The following DDX51 variants were observed in gnomAD, a reference collection of about 807,000 sequenced individuals.
DDX51 encodes the protein DEAD-box helicase 51.
Under a neutral mutation model 74.6 loss-of-function variants are expected in DDX51, and 67 were observed. The observed-to-expected ratio is 0.90, with a 90% CI of 0.74 to 1.10. DDX51 has a LOEUF of 1.10. DDX51 is among the 50% of genes least tolerant of loss of function. DDX51 has a pLI of 0.00. For missense variants in DDX51, 1,056 were observed against 905.2 expected (o/e 1.17, Z -2.14); for synonymous variants, 545 against 402.9 (o/e 1.35, Z -4.22).
Position 132,144,130 on chromosome 12 carries a change from G to A in DDX51, c.167C>T (p.Ala56Val), listed in dbSNP as rs1158256078. The A allele has an allele frequency of 2.5e-6, 3 of 1,198,068 alleles. No individual in the cohort carries two copies. Among genetic ancestry groups the A allele is most frequent in the Non-Finnish European group, 3.1e-6 (3 of 967,484 alleles). The allele number at this position is 1,198,068 out of a possible 1,614,324, so 74.2% of individuals were successfully genotyped here. The change falls in exon 1 of 15, where the codon GCG becomes GTG. Residue 56 changes from alanine (A) to valine (V), a missense_variant. Physicochemically the swap from Ala to Val is moderately conservative, Grantham distance 64 (BLOSUM62 0). Transcript: ENST00000397333. ...QQQREPAQTE[A>V]AASTEPATRR... ...GGTCGCCGGCTCGGTCGATGCAGCC[G>A]CCTCGGTCTGCGCGGGCTCCCGCTG... is the stretch of plus-strand genomic sequence containing the variant.
Position 132,143,872 on chromosome 12 carries a change from C to T in DDX51, c.342G>A (p.Gly114=), listed in dbSNP as rs1565956357. 1 of 1,510,168 alleles carries T rather than the reference C, an allele frequency of 6.6e-7. No individual in the cohort carries two copies. The allele number at this position is 1,510,168 out of a possible 1,614,324, so 93.5% of individuals were successfully genotyped here. ...GCTCCCCTGGCGCCTCCTCGCTGCT[C>T]CCTGCGCTGGGCTCCCCTGGCGCCT... ...NEEAPGEPSA[G]SSEEAPGEPS... is the part of the protein sequence containing the mutation. Residue 114 remains glycine, a synonymous_variant, in exon 2 of 15, where the codon GGG becomes GGA. Transcript: ENST00000397333.
In DDX51 at chr12:132,137,286, C is replaced by CA; in HGVS notation, c.*1985dup. ...TGAAGTTTGGTGATCACCCAGGAGA[C>CA]ACCCCCCGCACTCCTGTGCCCGAGC... On this transcript the variant is annotated 3_prime_UTR_variant, in exon 15 of 15. Coordinates refer to ENST00000397333, the MANE Select transcript of DDX51 (RefSeq NM_175066.4). 6.6e-6 allele frequency: 1 copy of CA among 152,332 alleles called. No individual in the cohort carries two copies. The highest frequency in any genetic ancestry group is 2.1e-4 in the South Asian group (1 of 4,828). The allele number at this position is 152,332 out of a possible 1,614,324, so 9.4% of individuals were successfully genotyped here. A position where few individuals can be genotyped will look rare whatever the true frequency, so the allele number is the denominator to read the frequency against.
Position 132,141,293 on chromosome 12 carries a change from T to TG in DDX51, c.1231dup (p.Gln411ProfsTer29). 2.5e-6 allele frequency: 4 copies of TG among 1,596,126 alleles called. No homozygotes were observed. Among genetic ancestry groups the TG allele is most frequent in the Non-Finnish European group, 3.4e-6 (4 of 1,177,878 alleles). ...TGGATACCTGGCGGCTGTCACAGCC[T>TG]GGGCCTGCCTTCGCTGGAGCAGGGC... is the stretch of plus-strand genomic sequence containing the variant. On this transcript the variant is annotated frameshift_variant, in exon 8 of 15. Coordinates refer to ENST00000397333, the MANE Select transcript of DDX51 (RefSeq NM_175066.4). LOFTEE classifies it high-confidence loss of function.
rs1897514361 is a variant in DDX51, at chr12:132,142,709, C to T, written c.670+19G>A. The T allele has an allele frequency of 6.2e-7, 1 of 1,611,478 alleles. No individual in the cohort carries two copies. The highest frequency in any genetic ancestry group is 8.5e-7 in the Non-Finnish European group (1 of 1,179,670). On this transcript the variant is annotated intron_variant, in intron 3 of 14. Transcript: ENST00000397333. ...CCCAGGGAGGTGTTCCCTCAGCTGCCTGCCCGGGGCTGGGGCACCTGGAAA... is the reference window on the plus strand; with the variant it reads ...CCCAGGGAGGTGTTCCCTCAGCTGCTTGCCCGGGGCTGGGGCACCTGGAAA...
rs762052824 is a variant in DDX51, at chr12:132,141,368, G to A, written c.1157C>T (p.Pro386Leu). 1.1e-5 allele frequency: 18 copies of A among 1,598,366 alleles called. No homozygotes were observed. Among genetic ancestry groups the A allele is most frequent in the African/African-American group, 6.7e-5 (5 of 74,908 alleles). ...CTGGAAGGCGGCCGCCACCACCCGC[G>A]GCAGCCAGGACTGATGCATGCTGTC... is the stretch of plus-strand genomic sequence containing the variant. Reference protein sequence around the residue: ...MIDSMHQSWLPRVVAAAFQSE... With the variant: ...MIDSMHQSWLLRVVAAAFQSE... Residue 386 changes from proline to leucine, a missense_variant, in exon 8 of 15, where the codon CCG becomes CTG. By Grantham distance (98) the Pro-to-Leu change is moderately conservative. Transcript: ENST00000397333.
Position 132,143,755 on chromosome 12 carries a change from C to T in DDX51, c.459G>A (p.Ala153=). The T allele has an allele frequency of 2.6e-6, 4 of 1,525,624 alleles. No homozygotes were observed. Among genetic ancestry groups the T allele is most frequent in the Non-Finnish European group, 1.8e-6 (2 of 1,139,662 alleles). 94.5% of individuals were successfully genotyped at this position (1,525,624 alleles called of 1,614,324 possible). A position where few individuals can be genotyped will look rare whatever the true frequency, so the allele number is the denominator to read the frequency against. The change falls in exon 2 of 15, where the codon GCG becomes GCA. Residue 153 remains alanine (A), a synonymous_variant. Transcript: ENST00000397333. The part of the protein sequence containing the change: ...AAPDGPALEE[A]AGPLVPGLVL... ...CCAGGCCGGGGACCAGGGGTCCGGC[C>T]GCCTCCTCCAGGGCCGGTCCATCTG...
rs748318175 is a variant in DDX51, at chr12:132,140,852, A to G, written c.1419T>C (p.Tyr473=). 3 of 1,613,554 alleles carry G rather than the reference A, an allele frequency of 1.9e-6. No individual in the cohort carries two copies. The highest frequency in any genetic ancestry group is 2.2e-5 in the South Asian group (2 of 91,080). Residue 473 remains tyrosine (Y), a synonymous_variant, in exon 9 of 15, where the codon TAT becomes TAC. Coordinates refer to ENST00000397333, the MANE Select transcript of DDX51 (RefSeq NM_175066.4). ...DTDGDGDSGK[Y]AFPVGLTHHY... is the part of the protein sequence containing the mutation. ...TCACCGTGAGCCCAACAGGAAAGGCATACTTCCCCGAATCCCCGTCCCCAT... is the reference window on the plus strand; with the variant it reads ...TCACCGTGAGCCCAACAGGAAAGGCGTACTTCCCCGAATCCCCGTCCCCAT...
Position 132,142,773 on chromosome 12 carries a change from G to C in DDX51, c.625C>G (p.Leu209Val), listed in dbSNP as rs1057004575. The C allele has an allele frequency of 1.1e-5, 18 of 1,612,978 alleles. No individual in the cohort carries two copies. Among genetic ancestry groups the C allele is most frequent in the Non-Finnish European group, 1.4e-5 (17 of 1,180,026 alleles). Reference protein sequence around the residue: ...IEDIPDVHPDLQKQLRAHGIS... With the variant: ...IEDIPDVHPDVQKQLRAHGIS... ...CCGTGTGCCCGCAGCTGCTTCTGCA[G>C]GTCAGGATGGACGTCAGGGATGTCC... Residue 209 changes from leucine to valine, a missense_variant, in exon 3 of 15, where the codon CTG (leucine) becomes GTG (valine). Transcript: ENST00000397333.
rs751025606 is a variant in DDX51 at position 132,141,485 on chromosome 12, G to A, written c.1104+13C>T. ...CTGAGCTCAAAGCCCAGGCCCCTGG[G>A]GCGGGGACCTACCAGGAAGCGGAGC... On this transcript the variant is annotated intron_variant, in intron 7 of 14. Coordinates refer to ENST00000397333, the MANE Select transcript of DDX51 (RefSeq NM_175066.4). The A allele has an allele frequency of 6.3e-7, 1 of 1,585,328 alleles. No individual in the cohort carries two copies. The highest frequency in any genetic ancestry group is 8.6e-7 in the Non-Finnish European group (1 of 1,168,920).
rs1329338959 is a variant in DDX51 at position 132,143,592 on chromosome 12, G to A, written c.519+103C>T. On this transcript the variant is annotated intron_variant, in intron 2 of 14. Transcript: ENST00000397333. The stretch of plus-strand genomic sequence containing the variant: ...TGGCAGCGAGGCGCGGCTGTGACCC[G>A]GGAACATTCGCTGAACGAAATCTTC... 7 of 1,432,410 alleles carry A rather than the reference G, an allele frequency of 4.9e-6. No individual in the cohort carries two copies. In the African/African-American group the frequency reaches 8.7e-5, roughly 18 times the overall value. 88.7% of individuals were successfully genotyped at this position (1,432,410 alleles called of 1,614,324 possible). A position where few individuals can be genotyped will look rare whatever the true frequency, so the allele number is the denominator to read the frequency against.
chr12:132,141,591 G>T lies in DDX51; in HGVS notation c.1011C>A (p.Arg337=). 1 of 1,598,724 alleles carries T rather than the reference G, an allele frequency of 6.3e-7. No individual in the cohort carries two copies. Among genetic ancestry groups the T allele is most frequent in the Non-Finnish European group, 8.5e-7 (1 of 1,174,026 alleles). ...SLVQKTADGY[R]CLADIVVATP... ...TGGCTACCACGATGTCAGCCAAGCA[G>T]CGGTACCCATCAGCTCTACAGACCA... Residue 337 remains arginine (R), a synonymous_variant, in exon 7 of 15, where the codon CGC becomes CGA. Transcript: ENST00000397333.
Position 132,139,222 on chromosome 12 carries a change from G to A in DDX51, c.*50C>T, listed in dbSNP as rs1355186538. On this transcript the variant is annotated 3_prime_UTR_variant, in exon 15 of 15. Coordinates refer to ENST00000397333, the MANE Select transcript of DDX51 (RefSeq NM_175066.4). ...CCAGTGATCAGCACTGCTCTGGAAGGAGGGTCAGGGTGGTGAGCGTTCAGT... is the reference window on the plus strand; with the variant it reads ...CCAGTGATCAGCACTGCTCTGGAAGAAGGGTCAGGGTGGTGAGCGTTCAGT... The A allele has an allele frequency of 2.1e-5, 33 of 1,595,642 alleles. No homozygotes were observed. The highest frequency in any genetic ancestry group is 2.7e-5 in the African/African-American group (2 of 74,772).
intron 12 of DDX51, 54 bp downstream of exon 12, chr12:132,140,043 GC>G (rs2136674303): frequency 1.9e-6 from 3 of 1,605,214 alleles, no homozygotes; most frequent in Non-Finnish European, 2.6e-6. Context: ...CCACATCAAC[GC>G]CCAGGAGCTC....
rs1225300723 is a variant in DDX51, at chr12:132,139,500, TC to T, written c.1974+134del. ...GGCTCCCCGCCCTTGGGCCAGAAGC[TC>T]GAGGACAACCTGTGTGACCCTCTGT... On this transcript the variant is annotated intron_variant, in intron 14 of 14. Coordinates refer to ENST00000397333, the MANE Select transcript of DDX51 (RefSeq NM_175066.4). 1.9e-6 allele frequency: 3 copies of T among 1,576,788 alleles called. No homozygotes were observed. In the East Asian group the frequency reaches 6.7e-5, roughly 35 times the overall value.
In DDX51 at chr12:132,138,008, T is replaced by A. The variant is rs1034848612; in HGVS notation, c.*1264A>T. 7 of 152,252 alleles carry A rather than the reference T, an allele frequency of 4.6e-5. No individual in the cohort carries two copies. Among genetic ancestry groups the A allele is most frequent in the African/African-American group, 1.7e-4 (7 of 41,432 alleles). The allele number at this position is 152,252 out of a possible 1,614,324, so 9.4% of individuals were successfully genotyped here. A position where few individuals can be genotyped will look rare whatever the true frequency, so the allele number is the denominator to read the frequency against. ...TTCATCCACGGGGTGCCTATGCTGG[T>A]GCCTCACTCCTTTTTCTCTCCTGGT... On this transcript the variant is annotated 3_prime_UTR_variant, in exon 15 of 15. Transcript: ENST00000397333.
In DDX51 at chr12:132,141,531, G is replaced by A. The variant is rs371118319; in HGVS notation, c.1071C>T (p.Thr357=). 1.2e-6 allele frequency: 2 copies of A among 1,603,046 alleles called. No individual in the cohort carries two copies. Among genetic ancestry groups the A allele is most frequent in the Admixed American group, 1.7e-5 (1 of 59,552 alleles). The change falls in exon 7 of 15, where the codon ACC becomes ACT. Residue 357 remains threonine (T), a synonymous_variant. Coordinates refer to ENST00000397333, the MANE Select transcript of DDX51 (RefSeq NM_175066.4). ...GGAGCTGCTGGAGGCTGAATCCTGG[G>A]GTCTGGTCGATGTGGTCCACCAGGC... ...PGRLVDHIDQ[T]PGFSLQQLRF...
intron 2 of DDX51, chr12:132,143,088 C>T: frequency 1.6e-6 from 1 of 617,590 alleles, no homozygotes; most frequent in Non-Finnish European, 2.8e-6. Flanking sequence ...CTGTAGCCTC[C>T]CATCAACCCA....
At position 132,140,960 on chromosome 12, in the gene DDX51, G is replaced by A; in HGVS notation, c.1311C>T (p.Asn437=). The change falls in exon 9 of 15, where the codon AAC becomes AAT. Residue 437 remains asparagine (N), a synonymous_variant. Transcript: ENST00000397333. ...GGCCCAGCTGCTGCAGCTTTTCAGGGTTCTGGGTCAGAGTAGCTGAGAAGA... is the reference window on the plus strand; with the variant it reads ...GGCCCAGCTGCTGCAGCTTTTCAGGATTCTGGGTCAGAGTAGCTGAGAAGA... ...KLLFSATLTQ[N]PEKLQQLGLH... 6.2e-7 allele frequency: 1 copy of A among 1,613,014 alleles called. No homozygotes were observed. Among genetic ancestry groups the A allele is most frequent in the African/African-American group, 1.3e-5 (1 of 75,014 alleles).
chr12:132,141,222 GT>G, intron 8 of DDX51, 52 bp downstream of exon 8: 2 of 1,541,558 alleles, frequency 1.3e-6, no homozygotes, highest in Non-Finnish European at 1.7e-6. Context: ...GGAGAGCTGT[GT>G]GCAGAGGACT....
Sources: gnomAD v4.1 joint callset for allele counts on GRCh38, gnomAD v4.1.1 for gene constraint, MANE v1.5 for transcripts, NCBI Gene and HGNC (gene_info 2026-07-23, HGNC 2026-07-21) for gene names.